PCDHA4: variants seen among roughly 807,000 people sequenced by gnomAD.
PCDHA4 encodes the protein protocadherin alpha-4.
PCDHA4 carries 49 observed loss-of-function variants against 61.4 expected under a neutral mutation model. That is an observed-to-expected ratio of 0.80 (90% CI 0.63 to 1.01). The LOEUF is 1.01. Ranked by LOEUF, PCDHA4 falls within the 50% of genes least tolerant of loss-of-function variation. PCDHA4 has a pLI of 0.00. For synonymous variants in PCDHA4, 590 were observed against 550.3 expected (o/e 1.07, Z -1.01); for missense variants, 1,254 against 1,235.8 (o/e 1.01, Z -0.22).
rs1781520198 is a variant in PCDHA4, at chr5:140,848,443, T to C, written c.2385+38871T>C. ...ATGGGACTGACGAAATCAGATGATTTCTTCTAATTTGGAGGCAATTTTCAC... is the reference window on the plus strand; with the variant it reads ...ATGGGACTGACGAAATCAGATGATTCCTTCTAATTTGGAGGCAATTTTCAC... On this transcript the variant is annotated intron_variant, in intron 1 of 3. Transcript: ENST00000530339. 5.4e-6 allele frequency: 8 copies of C among 1,493,744 alleles called. 1 individual carries two copies. The highest frequency in any genetic ancestry group is 7.3e-6 in the Non-Finnish European group (8 of 1,096,078). 92.5% of individuals were successfully genotyped at this position (1,493,744 alleles called of 1,614,324 possible).
At position 141,004,143 on chromosome 5, in the gene PCDHA4, C is replaced by T. The variant is rs1023273119; in HGVS notation, c.2534-5484C>T. 2.6e-5 allele frequency among the ~76,000 whole-genome samples: 4 copies of T among 152,252 alleles called. No homozygotes were observed. In the East Asian group the frequency reaches 7.7e-4, roughly 29 times the overall value. ...TATCTCCATGATTCTGCCCCAAAGG[C>T]ATGACATTTTATAGGCAAAGCCAGC... On this transcript the variant is annotated intron_variant, in intron 3 of 3. Transcript: ENST00000530339.
chr5:140,822,267 T>A, intron 1 of PCDHA4: 1 of 1,614,250 alleles, frequency 6.2e-7, no homozygotes, highest in Non-Finnish European at 8.5e-7. Flanking sequence ...TTGGAGCAAA[T>A]GCACAATTGA....
intron 1 of PCDHA4, among the ~76,000 whole-genome samples, chr5:140,827,743 G>T (rs1236094358): frequency 6.6e-6 from 1 of 152,224 alleles, no homozygotes; most frequent in Non-Finnish European, 1.5e-5. Flanking sequence ...TGAATAATTA[G>T]ATCCCTTACT....
intron 1 of PCDHA4, chr5:140,841,245 G>A (rs1483817095): frequency 1.3e-6 from 2 of 1,501,446 alleles, no homozygotes; most frequent in Non-Finnish European, 1.8e-6. Context: ...AGCGGAATTG[G>A]ATTAAAAGAC....
In PCDHA4 at chr5:140,807,787, A is replaced by T; in HGVS notation, c.600A>T (p.Leu200Phe). ...TTGGGCTTATATTACGGAAATCTTT[A>T]GACAGAGAAGAAGCTCCGGAGATTT... is the stretch of plus-strand genomic sequence containing the variant. Reference protein sequence around the residue: ...KGLGLILRKSLDREEAPEIFL... With the variant: ...KGLGLILRKSFDREEAPEIFL... Residue 200 changes from leucine to phenylalanine, a missense_variant, in exon 1 of 4, where the codon TTA becomes TTT. By Grantham distance (22) the Leu-to-Phe change is conservative. Transcript: ENST00000530339. 1 of 1,614,148 alleles carries T rather than the reference A, an allele frequency of 6.2e-7. No individual in the cohort carries two copies. Among genetic ancestry groups the T allele is most frequent in the South Asian group, 1.1e-5 (1 of 91,084 alleles).
At chr5:140,849,515 T>A (rs1400528164) in intron 1 of PCDHA4, 1 of 1,596,878 alleles carries the variant, frequency 6.3e-7, no homozygotes, top group Non-Finnish European at 8.6e-7. Flanking sequence ...TTGTGGAAGT[T>A]GTGGATGTAA....
chr5:140,857,818 G>T, intron 1 of PCDHA4: 1 of 1,597,774 alleles, frequency 6.3e-7, no homozygotes, highest in Non-Finnish European at 8.6e-7. Flanking sequence ...GTCACGTGGT[G>T]GCTAAGGTGC....
At chr5:140,974,335 G>T (rs1481372488) in intron 1 of PCDHA4, among the ~76,000 whole-genome samples, 2 of 152,158 alleles carry the variant, frequency 1.3e-5, no homozygotes, top group African/African-American at 4.8e-5. Context: ...GTGCTAGCAG[G>T]CTATGCATCC....
At chr5:140,848,198 C>T (rs2150407095) in intron 1 of PCDHA4, 8 of 311,274 alleles carry the variant, frequency 2.6e-5, no homozygotes, top group African/African-American at 1.7e-4. Flanking sequence ...TCTGTTTCAA[C>T]AATCATTACT....
chr5:140,842,491 GCCCCATGT>G (rs1428836968), intron 1 of PCDHA4: 1 of 1,613,778 alleles, frequency 6.2e-7, no homozygotes, highest in African/African-American at 1.3e-5. Context: ...GCTCCCTGAT[GCCCCATGT>G]CCCCTTCAAG....
chr5:140,924,886 A>G (rs190850675), intron 1 of PCDHA4, among the ~76,000 whole-genome samples: 11 of 137,270 alleles, frequency 8.0e-5, no homozygotes, highest in Admixed American at 3.0e-4. Context: ...CAGAGCAAGA[A>G]CCTGTCTCAA....
intron 1 of PCDHA4, chr5:140,835,625 C>T: frequency 6.2e-7 from 1 of 1,613,902 alleles, no homozygotes; most frequent in Non-Finnish European, 8.5e-7. Flanking sequence ...GCGCTCTGGA[C>T]CGCGAGAGTG....
rs2098415868 is a variant in PCDHA4 at position 141,010,044 on chromosome 5, G to A, written c.*107G>A. On this transcript the variant is annotated 3_prime_UTR_variant, in exon 4 of 4. Coordinates refer to ENST00000530339, the MANE Select transcript of PCDHA4 (RefSeq NM_018907.4). ...TTTCCTATCTACATGAGCCCTCTTA[G>A]AGACCTCAGAAATCTGCAGAAAGTT... 6.3e-7 allele frequency: 1 copy of A among 1,594,604 alleles called. No individual in the cohort carries two copies. The highest frequency in any genetic ancestry group is 8.5e-7 in the Non-Finnish European group (1 of 1,171,226).
At chr5:140,849,620 C>A (rs2040998983) in intron 1 of PCDHA4, 1 of 1,598,622 alleles carries the variant, frequency 6.3e-7, no homozygotes, top group Non-Finnish European at 8.6e-7. Context: ...TTAGTGTGAT[C>A]GACCTAGACG....
chr5:140,948,096 T>C (rs550126735), intron 1 of PCDHA4, among the ~76,000 whole-genome samples: 1 of 151,754 alleles, frequency 6.6e-6, no homozygotes, highest in East Asian at 1.9e-4. Flanking sequence ...TATGAGCATA[T>C]GATTTTTCTT....
intron 1 of PCDHA4, among the ~76,000 whole-genome samples, chr5:140,916,847 C>G (rs1276107761): frequency 6.6e-6 from 1 of 152,116 alleles, no homozygotes; most frequent in Non-Finnish European, 1.5e-5. Flanking sequence ...GAGCCCAGCC[C>G]AGCACTAGGA....
intron 2 of PCDHA4, among the ~76,000 whole-genome samples, chr5:140,981,879 A>G (rs1472110145): frequency 3.9e-5 from 6 of 152,158 alleles, no homozygotes; most frequent in Non-Finnish European, 7.3e-5. Context: ...TGCTGAATTA[A>G]TCTCTTCTGA....
At chr5:140,961,313 G>A (rs2095603813) in intron 1 of PCDHA4, among the ~76,000 whole-genome samples, 1 of 152,118 alleles carries the variant, frequency 6.6e-6, no homozygotes, top group Admixed American at 6.5e-5. Flanking sequence ...TGATTTACCA[G>A]GCTCTGTTTC....
At chr5:140,864,304 A>G (rs2048411725) in intron 1 of PCDHA4, 1 of 152,230 alleles carries the variant, frequency 6.6e-6, no homozygotes, top group East Asian at 1.9e-4. Flanking sequence ...CAAAAATACC[A>G]TGACAATATT....
Sources: gnomAD v4.1 joint callset for allele counts (sites outside exome capture counted in the v4.1 genomes callset) on GRCh38, gnomAD v4.1.1 for gene constraint, MANE v1.5 for transcripts, NCBI Gene and HGNC (gene_info 2026-07-23, HGNC 2026-07-21) for gene names.